The following CEP112 variants were observed in gnomAD, a reference collection of about 807,000 sequenced individuals.
The protein encoded by CEP112 is centrosomal protein 112.
In CEP112, 127 loss-of-function variants were observed where a neutral mutation model predicts 153.0. The ratio of observed to expected loss-of-function variants is 0.83; its 90% CI spans 0.72 to 0.96. The LOEUF (loss-of-function observed/expected upper bound fraction) is 0.96, where lower values mean the gene tolerates loss of function less well. Ranked by LOEUF, CEP112 falls within the 40% of genes least tolerant of loss-of-function variation. The pLI, the probability that CEP112 is intolerant of heterozygous loss-of-function variation, is 0.00. For synonymous variants in CEP112, 358 were observed against 374.4 expected, an observed-to-expected ratio of 0.96 and a Z score of 0.51; for missense variants, 1,089 against 1,101.2, an observed-to-expected ratio of 0.99 and a Z score of 0.16.
chr17:65,683,447 C>G (rs527485328), intron 24 of CEP112, among the ~76,000 whole-genome samples: 4 of 152,120 alleles, frequency 2.6e-5, no homozygotes, highest in African/African-American at 9.7e-5. Context: ...CAAAGAGGAC[C>G]CCGGGGGCAA....
chr17:65,847,670 T>C (rs749053334), intron 21 of CEP112, among the ~76,000 whole-genome samples: 3 of 152,178 alleles, frequency 2.0e-5, no homozygotes, highest in Non-Finnish European at 4.4e-5. Flanking sequence ...GACAAGGTCC[T>C]GCTAACAGAG....
chr17:65,726,835 T>C (rs1407165303), intron 23 of CEP112, among the ~76,000 whole-genome samples: 3 of 152,222 alleles, frequency 2.0e-5, no homozygotes, highest in South Asian at 4.1e-4. Context: ...TCATTTATTA[T>C]ATATTAGCAA....
intron 16 of CEP112, among the ~76,000 whole-genome samples, chr17:66,023,128 T>C (rs1294620630): frequency 6.6e-6 from 1 of 152,042 alleles, no homozygotes; most frequent in African/African-American, 2.4e-5. Flanking sequence ...AAGCAAAAAG[T>C]TTAGAAAACC....
At chr17:66,046,670 G>A (rs2066223097) in intron 12 of CEP112, among the ~76,000 whole-genome samples, 1 of 152,136 alleles carries the variant, frequency 6.6e-6, no homozygotes, top group Non-Finnish European at 1.5e-5. Context: ...TTATTTGGTT[G>A]GAAATAGTGT....
chr17:66,072,502 C>T (rs971529746), intron 8 of CEP112, among the ~76,000 whole-genome samples: 2 of 152,102 alleles, frequency 1.3e-5, no homozygotes, highest in South Asian at 2.1e-4. Flanking sequence ...GAGTACAGAC[C>T]GTTATTAAAT....
chr17:66,134,605 AG>A (rs2146562284), intron 4 of CEP112, among the ~76,000 whole-genome samples: 2 of 152,332 alleles, frequency 1.3e-5, no homozygotes, highest in South Asian at 4.1e-4. Flanking sequence ...TGGGAGGCCA[AG>A]GTCAGCCTAT....
chr17:66,120,666 C>T (rs2042144898), intron 6 of CEP112, among the ~76,000 whole-genome samples: 1 of 152,118 alleles, frequency 6.6e-6, no homozygotes, highest in South Asian at 2.1e-4. Context: ...TTGCAGTAAT[C>T]TCTTATTATA....
At chr17:65,873,814 T>C (rs1259754239) in intron 20 of CEP112, 1 of 152,218 alleles carries the variant, frequency 6.6e-6, no homozygotes, top group Non-Finnish European at 1.5e-5. Flanking sequence ...AAGAAAATTA[T>C]ATAAAGTGTT....
At chr17:65,831,474 C>G (rs2057076679) in intron 21 of CEP112, among the ~76,000 whole-genome samples, 1 of 151,100 alleles carries the variant, frequency 6.6e-6, no homozygotes, top group African/African-American at 2.4e-5. Flanking sequence ...GGAGAATGGT[C>G]AGAACCCAGG....
chr17:66,151,535 C>A (rs1341031468), intron 4 of CEP112, among the ~76,000 whole-genome samples: 2 of 152,146 alleles, frequency 1.3e-5, no homozygotes, highest in Non-Finnish European at 2.9e-5. Flanking sequence ...AAGTGATAAG[C>A]TATAATTTCC....
intron 17 of CEP112, 142 bp downstream of exon 17, chr17:66,005,548 G>C (rs972486068): frequency 1.0e-6 from 1 of 1,001,696 alleles, no homozygotes; most frequent in African/African-American, 1.7e-5. Context: ...CTTGAAGATA[G>C]AGATTTGTGA....
chr17:65,685,595 C>G lies in CEP112; in HGVS notation c.2697+3534G>C, dbSNP rs569302187. On this transcript the variant is annotated intron_variant, in intron 24 of 26. Coordinates refer to ENST00000535342, the MANE Select transcript of CEP112 (RefSeq NM_001199165.4). ...AAAAATACATTCATAATGTAACAAT[C>G]TCAACATTTTAGATATCCTTAGTAA... is the stretch of plus-strand genomic sequence containing the variant. 4.0e-5 allele frequency among the ~76,000 whole-genome samples: 6 copies of G among 151,542 alleles called. No homozygotes were observed. The South Asian group carries it at 1.2e-3, about 32-fold the overall frequency.
chr17:65,988,998 G>A (rs1480176192), intron 17 of CEP112, among the ~76,000 whole-genome samples: 1 of 151,992 alleles, frequency 6.6e-6, no homozygotes. Context: ...GCTGAGGCGG[G>A]CAGATCACCA....
chr17:66,154,187 G>T (rs1398882686), intron 4 of CEP112, among the ~76,000 whole-genome samples: 3 of 147,766 alleles, frequency 2.0e-5, no homozygotes, highest in Non-Finnish European at 4.5e-5. Context: ...CAAAAAAAAG[G>T]GGGGGCCAAC....
At chr17:65,916,285 G>GTA (rs1475297564) in intron 19 of CEP112, among the ~76,000 whole-genome samples, 111 of 148,418 alleles carry the variant, frequency 7.5e-4, no homozygotes, top group South Asian at 2.9e-3. Context: ...GTGTGTGTGT[G>GTA]TGTGTGTATG....
chr17:65,901,618 G>A (rs1002155564), intron 20 of CEP112, among the ~76,000 whole-genome samples: 1 of 152,102 alleles, frequency 6.6e-6, no homozygotes, highest in African/African-American at 2.4e-5. Context: ...TGTGTGTGCA[G>A]GAAAAAGCAA....
At chr17:65,931,625 C>T (rs62063077) in intron 18 of CEP112, among the ~76,000 whole-genome samples, 448 of 152,320 alleles carry the variant, frequency 2.9e-3, no homozygotes, top group Non-Finnish European at 5.0e-3. Context: ...TGGAGGCACC[C>T]AACCAGAGAG....
Position 66,129,958 on chromosome 17 carries a change from A to AAAAGGAAG in CEP112, c.565-143_565-136dup, listed in dbSNP as rs753547773. ...AAAGAGGAAGGAAGTAAAAAAGGAA[A>AAAAGGAAG]AAAGGAAGAAAGGAAGGGATGAAAA... On this transcript the variant is annotated intron_variant, in intron 5 of 26. Transcript: ENST00000535342. 1.1e-3 allele frequency: 600 copies of AAAAGGAAG among 559,310 alleles called. 4 individuals are homozygous for AAAAGGAAG. Among genetic ancestry groups the AAAAGGAAG allele is most frequent in the African/African-American group, 9.5e-3 (490 of 51,396 alleles). 34.6% of individuals were successfully genotyped at this position (559,310 alleles called of 1,614,324 possible).
intron 20 of CEP112, among the ~76,000 whole-genome samples, chr17:65,864,065 C>T (rs556452462): frequency 1.0e-4 from 15 of 150,066 alleles, no homozygotes; most frequent in African/African-American, 3.7e-4. Flanking sequence ...CGCTTGAACC[C>T]GGGAGGCAGA....
Sources: gnomAD v4.1 joint callset for allele counts (sites outside exome capture counted in the v4.1 genomes callset) on GRCh38, gnomAD v4.1.1 for gene constraint, MANE v1.5 for transcripts, NCBI Gene and HGNC (gene_info 2026-07-23, HGNC 2026-07-21) for gene names.